BICC1: variants seen among roughly 807,000 people sequenced by gnomAD.
BICC1 encodes BicC family RNA binding protein 1, also known as protein bicaudal C homolog 1.
In BICC1, 43 loss-of-function variants were observed where a neutral mutation model predicts 111.0. That is an observed-to-expected ratio of 0.39 (90% CI 0.30 to 0.50). BICC1 has a LOEUF of 0.50. Among genes scored for constraint, BICC1 ranks in the 20% least tolerant of loss-of-function variants. The pLI is 0.88. For synonymous variants in BICC1, 467 were observed against 434.4 expected, an observed-to-expected ratio of 1.07 and a Z score of -0.93; for missense variants, 1,091 against 1,203.2, an observed-to-expected ratio of 0.91 and a Z score of 1.38.
intron 2 of BICC1, among the ~76,000 whole-genome samples, chr10:58,646,070 T>C (rs1307522640): frequency 1.6e-4 from 25 of 152,176 alleles, no homozygotes; most frequent in Non-Finnish European, 3.7e-4. Context: ...AATGCTTTTT[T>C]TTTTTTTTCC....
chr10:58,557,187 T>C (rs1843473415), intron 1 of BICC1, among the ~76,000 whole-genome samples: 1 of 152,148 alleles, frequency 6.6e-6, no homozygotes, highest in South Asian at 2.1e-4. Flanking sequence ...GCTTTTAAGA[T>C]GTTCTACTCT....
intron 1 of BICC1, among the ~76,000 whole-genome samples, chr10:58,616,172 C>T (rs1845597742): frequency 6.6e-6 from 1 of 152,172 alleles, no homozygotes; most frequent in East Asian, 1.9e-4. Context: ...GTCGTCTCAG[C>T]TGGAGACCCC....
chr10:58,563,843 A>G (rs550968736), intron 1 of BICC1, among the ~76,000 whole-genome samples: 1 of 152,318 alleles, frequency 6.6e-6, no homozygotes, highest in South Asian at 2.1e-4. Context: ...AAATTTCTTG[A>G]TAAAAGTTGC....
At chr10:58,677,768 GA>G (rs1440620561) in intron 2 of BICC1, among the ~76,000 whole-genome samples, 1 of 152,098 alleles carries the variant, frequency 6.6e-6, no homozygotes, top group South Asian at 2.1e-4. Flanking sequence ...AGGTTGAAAT[GA>G]AGGAAAAAAA....
chr10:58,562,830 T>C (rs1843646976), intron 1 of BICC1, among the ~76,000 whole-genome samples: 1 of 152,132 alleles, frequency 6.6e-6, no homozygotes, highest in Non-Finnish European at 1.5e-5. Context: ...TGGAACAGTA[T>C]TGTCTTCTTG....
chr10:58,728,559 G>A (rs4433524), intron 3 of BICC1, among the ~76,000 whole-genome samples: 100,080 of 151,944 alleles, frequency 0.66, 35,373 homozygotes, highest in East Asian at 0.9. Context: ...CCAAACTCCC[G>A]TTATAATTGC....
intron 2 of BICC1, among the ~76,000 whole-genome samples, chr10:58,689,456 G>C (rs181689811): frequency 1.3e-4 from 20 of 152,256 alleles, no homozygotes; most frequent in Non-Finnish European, 2.6e-4. Flanking sequence ...ATGTTCACTT[G>C]TGCACAGAAG....
At chr10:58,530,848 T>C (rs1842664757) in intron 1 of BICC1, among the ~76,000 whole-genome samples, 1 of 151,728 alleles carries the variant, frequency 6.6e-6, no homozygotes, top group African/African-American at 2.4e-5. Context: ...GTCAGCAAGA[T>C]GGAGGAATAG....
At position 58,516,977 on chromosome 10, in the gene BICC1, G is replaced by C. The variant is rs118071411; in HGVS notation, c.190+3644G>C. Among the ~76,000 whole-genome samples, 43 of 152,162 alleles carry C rather than the reference G, an allele frequency of 2.8e-4. 2 individuals are homozygous for C. The East Asian group carries it at 8.1e-3, about 29-fold the overall frequency. ...TGCCAGAGTACTGAGGCAATCACAG[G>C]ATTCCTATATTAATACTTTTCTTTT... On this transcript the variant is annotated intron_variant, in intron 1 of 20. Coordinates refer to ENST00000373886, the MANE Select transcript of BICC1 (RefSeq NM_001080512.3).
chr10:58,526,062 T>G (rs1287661740), intron 1 of BICC1, among the ~76,000 whole-genome samples: 3 of 151,994 alleles, frequency 2.0e-5, no homozygotes, highest in Non-Finnish European at 2.9e-5. Context: ...TGATGGTAGT[T>G]GCAAAAGCAG....
chr10:58,815,876 G>A (rs991830329), intron 18 of BICC1, among the ~76,000 whole-genome samples: 2 of 151,958 alleles, frequency 1.3e-5, no homozygotes, highest in African/African-American at 4.8e-5. Context: ...TTCTTTCTTA[G>A]GTTGTACAAA....
At chr10:58,712,105 C>A (rs1292549295) in intron 3 of BICC1, among the ~76,000 whole-genome samples, 2 of 152,248 alleles carry the variant, frequency 1.3e-5, no homozygotes, top group East Asian at 3.9e-4. Context: ...TGAAAAGATC[C>A]TCAACATCAT....
rs188959616 is a variant in BICC1, at chr10:58,772,425, T to A, written c.308-12576T>A. On this transcript the variant is annotated intron_variant, in intron 3 of 20. Transcript: ENST00000373886. ...AATGATTATCTCAAATTTGGTGTTG[T>A]CCTATTGATTAGCATTCACGTTTTA... is the stretch of plus-strand genomic sequence containing the variant. Among the ~76,000 whole-genome samples, 125 of 152,296 alleles carry A rather than the reference T, an allele frequency of 8.2e-4. 1 individual carries two copies. Among genetic ancestry groups the A allele is most frequent in the Middle Eastern group, 3.4e-3 (1 of 294 alleles).
chr10:58,786,734 G>A (rs1399641089), intron 4 of BICC1, among the ~76,000 whole-genome samples, 189 bp from the exon 5 acceptor site: 3 of 152,104 alleles, frequency 2.0e-5, no homozygotes, highest in African/African-American at 7.2e-5. Context: ...CTTAAAATGA[G>A]AATTTCTTTT....
chr10:58,680,658 G>T (rs1421298396), intron 2 of BICC1, among the ~76,000 whole-genome samples: 1 of 152,148 alleles, frequency 6.6e-6, no homozygotes, highest in South Asian at 2.1e-4. Flanking sequence ...TTTCTTCACA[G>T]AATTAGAAAA....
chr10:58,755,065 G>A (rs1379902761), intron 3 of BICC1, among the ~76,000 whole-genome samples: 1 of 152,126 alleles, frequency 6.6e-6, no homozygotes, highest in Non-Finnish European at 1.5e-5. Flanking sequence ...TTGGTGAGTG[G>A]AAGCCTGATG....
chr10:58,820,314 G>A, intron 19 of BICC1, 55 bp from the exon 20 acceptor site: 1 of 1,216,888 alleles, frequency 8.2e-7, no homozygotes, highest in South Asian at 1.2e-5. Flanking sequence ...TCCTACAGTG[G>A]GAAAGAAAAT....
chr10:58,711,619 C>T (rs960150148), intron 3 of BICC1, among the ~76,000 whole-genome samples: 6 of 152,192 alleles, frequency 3.9e-5, no homozygotes, highest in African/African-American at 7.2e-5. Flanking sequence ...CAGCTAGTTC[C>T]GCCTTCTTCT....
chr10:58,795,135 AAT>A (rs1843312214), intron 9 of BICC1, among the ~76,000 whole-genome samples: 3 of 151,948 alleles, frequency 2.0e-5, no homozygotes, highest in African/African-American at 7.2e-5. Flanking sequence ...AAAAATCCGA[AAT>A]AAGAAAATAA....
Sources: gnomAD v4.1 joint callset for allele counts (sites outside exome capture counted in the v4.1 genomes callset) on GRCh38, gnomAD v4.1.1 for gene constraint, MANE v1.5 for transcripts, NCBI Gene and HGNC (gene_info 2026-07-23, HGNC 2026-07-21) for gene names.